CCDC88A: variants seen among roughly 807,000 people sequenced by gnomAD.
CCDC88A encodes the protein girdin.
Under a neutral mutation model 234.3 loss-of-function variants are expected in CCDC88A, and 54 were observed. The ratio of observed to expected loss-of-function variants is 0.23; its 90% CI spans 0.19 to 0.29. The LOEUF is 0.29. CCDC88A is among the 10% of genes least tolerant of loss of function. The pLI, the probability that CCDC88A is intolerant of heterozygous loss-of-function variation, is 1.00. For missense variants in CCDC88A, 1,832 were observed against 2,123.4 expected (o/e 0.86, Z 2.70); for synonymous variants, 753 against 737.8 (o/e 1.02, Z -0.33).
chr2:55,296,364 T>G lies in CCDC88A; in HGVS notation c.4985A>C (p.Glu1662Ala), dbSNP rs774770570. 2 of 1,614,090 alleles carry G rather than the reference T, an allele frequency of 1.2e-6. No homozygotes were observed. Among genetic ancestry groups the G allele is most frequent in the South Asian group, 1.1e-5 (1 of 91,092 alleles). ...SSPVLQHKISETLESRHHKIK... is the reference protein window; with the variant it reads ...SSPVLQHKISATLESRHHKIK... ...CTTGTGATGTCGACTCTCCAGTGTT[T>G]CAGATATTTTGTGCTGGAGCACTGG... Residue 1662 changes from glutamate (E) to alanine (A), a missense_variant, in exon 30 of 33, where the codon GAA becomes GCA. Glu to Ala is a moderately radical substitution (Grantham distance 107). Transcript: ENST00000436346.
At chr2:55,302,887 A>C in intron 26 of CCDC88A, 182 bp downstream of exon 26, 2 of 529,474 alleles carry the variant, frequency 3.8e-6, no homozygotes, top group South Asian at 5.1e-5. Flanking sequence ...ATCAGTGGAC[A>C]TATACATAAT....
Position 55,309,117 on chromosome 2 carries a change from T to C in CCDC88A, c.4172+45A>G, listed in dbSNP as rs1682000305. 7.0e-7 allele frequency: 1 copy of C among 1,422,984 alleles called. No individual in the cohort carries two copies. Among genetic ancestry groups the C allele is most frequent in the African/African-American group, 1.4e-5 (1 of 70,524 alleles). The allele number at this position is 1,422,984 out of a possible 1,614,324, so 88.1% of individuals were successfully genotyped here. ...CATCACAATATTAGAAATAACCTAG[T>C]GTTTTTTTTCAGAATAAGAATTCAT... On this transcript the variant is annotated intron_variant, in intron 24 of 32. Transcript: ENST00000436346. This position sits in a 1 kb window ranked among gnomAD's most constrained non-coding sequence, Gnocchi z 5.1.
intron 2 of CCDC88A, among the ~76,000 whole-genome samples, chr2:55,395,840 T>C (rs1340103492): frequency 1.3e-5 from 2 of 152,042 alleles, no homozygotes; most frequent in African/African-American, 2.4e-5. Context: ...TGCAAGAAAA[T>C]AGTGAAAAAC....
At chr2:55,353,287 A>G (rs1418344949) in intron 8 of CCDC88A, among the ~76,000 whole-genome samples, 2 of 152,194 alleles carry the variant, frequency 1.3e-5, no homozygotes, top group Admixed American at 1.3e-4. Context: ...TGCTTTATCT[A>G]AAGACTGGAG....
At position 55,335,640 on chromosome 2, in the gene CCDC88A, C is replaced by A. The variant is rs747224639; in HGVS notation, c.1657-476G>T. On this transcript the variant is annotated intron_variant, in intron 14 of 32. Coordinates refer to ENST00000436346, the MANE Select transcript of CCDC88A (RefSeq NM_001365480.1). The surrounding 1 kb of genome is among the most constrained non-coding windows in gnomAD (Gnocchi z 4.5). ...GGGTTTGTATGTGTGTGTATTCATT[C>A]CCAAAAAGAATTCTAAGTAGGAAGC... 6.6e-6 allele frequency among the ~76,000 whole-genome samples: 1 copy of A among 151,972 alleles called. No homozygotes were observed. The highest frequency in any genetic ancestry group is 1.5e-5 in the Non-Finnish European group (1 of 67,990).
intron 5 of CCDC88A, among the ~76,000 whole-genome samples, chr2:55,365,697 T>C (rs1442516148): frequency 6.6e-6 from 1 of 152,184 alleles, no homozygotes; most frequent in Non-Finnish European, 1.5e-5. Context: ...AAGCTAAGCA[T>C]TCTCAAAATG....
At chr2:55,375,219 T>C (rs544961555) in intron 3 of CCDC88A, among the ~76,000 whole-genome samples, 2 of 151,938 alleles carry the variant, frequency 1.3e-5, no homozygotes, top group Non-Finnish European at 2.9e-5. Context: ...CACAAACAAA[T>C]AATAATAAAA....
intron 31 of CCDC88A, chr2:55,295,034 A>C (rs1168323888): frequency 8.2e-7 from 1 of 1,225,984 alleles, no homozygotes; most frequent in Non-Finnish European, 1.0e-6. Context: ...ATATCAAATA[A>C]CATCAATATA....
chr2:55,323,587 G>A (rs951680672), intron 17 of CCDC88A: 1 of 152,120 alleles, frequency 6.6e-6, no homozygotes, highest in African/African-American at 2.4e-5. Context: ...CAATAGATGA[G>A]TGGCATCATT....
rs771884941 is a variant in CCDC88A, at chr2:55,317,223, A to G, written c.3729T>C (p.Leu1243=). The change falls in exon 21 of 33, where the codon CTT becomes CTC. Residue 1243 remains leucine, a synonymous_variant. Coordinates refer to ENST00000436346, the MANE Select transcript of CCDC88A (RefSeq NM_001365480.1). The surrounding 1 kb of genome is among the most constrained non-coding windows in gnomAD (Gnocchi z 4.2). The part of the protein sequence containing the change: ...HETVAAEYKK[L]CGENDRLNHT... ...TTTATTACCTATCATTTTCACCACA[A>G]AGTTTCTTGTATTCTGCAGCTACTG... is the stretch of plus-strand genomic sequence containing the variant. The G allele has an allele frequency of 5.3e-6, 8 of 1,499,562 alleles. No homozygotes were observed. Among genetic ancestry groups the G allele is most frequent in the African/African-American group, 1.4e-5 (1 of 71,860 alleles). The allele number at this position is 1,499,562 out of a possible 1,614,324, so 92.9% of individuals were successfully genotyped here.
intron 2 of CCDC88A, among the ~76,000 whole-genome samples, chr2:55,391,465 GA>G (rs1676631227): frequency 6.6e-6 from 1 of 152,082 alleles, no homozygotes; most frequent in Non-Finnish European, 1.5e-5. Flanking sequence ...ACAGTCAACA[GA>G]AACAGACCCA....
chr2:55,414,995 A>G (rs1476113624), intron 2 of CCDC88A, among the ~76,000 whole-genome samples: 1 of 149,170 alleles, frequency 6.7e-6, no homozygotes, highest in African/African-American at 2.5e-5. Flanking sequence ...TGAACCCGGG[A>G]GGTAGAGCTT....
chr2:55,409,225 C>T (rs1040731438), intron 2 of CCDC88A, among the ~76,000 whole-genome samples: 1 of 152,190 alleles, frequency 6.6e-6, no homozygotes, highest in Non-Finnish European at 1.5e-5. Context: ...TTCCTAATTC[C>T]TCCACCGTTA....
At chr2:55,366,566 CACACACACA>C (rs1671996277) in intron 5 of CCDC88A, among the ~76,000 whole-genome samples, 1 of 150,118 alleles carries the variant, frequency 6.7e-6, no homozygotes, top group Non-Finnish European at 1.5e-5. Flanking sequence ...CACACACACA[CACACACACA>C]CAAGATATGA....
chr2:55,352,507 G>GA (rs1273705650), intron 8 of CCDC88A, among the ~76,000 whole-genome samples: 3 of 151,522 alleles, frequency 2.0e-5, no homozygotes, highest in Admixed American at 6.6e-5. Flanking sequence ...TAAACTCTAT[G>GA]AAAAAAACCA....
At chr2:55,324,487 G>C (rs1228741148) in intron 17 of CCDC88A, among the ~76,000 whole-genome samples, 4 of 152,092 alleles carry the variant, frequency 2.6e-5, no homozygotes, top group Non-Finnish European at 5.9e-5. Context: ...GTGTGTTTCT[G>C]AGTATATTTC....
At chr2:55,346,040 A>C in intron 10 of CCDC88A, 135 bp downstream of exon 10, 1 of 599,848 alleles carries the variant, frequency 1.7e-6, no homozygotes, top group Non-Finnish European at 2.9e-6. Flanking sequence ...AATCTATCAT[A>C]AAATAAACAT....
At position 55,341,140 on chromosome 2, in the gene CCDC88A, CTTTTTTTT is replaced by C. The variant is rs562623314; in HGVS notation, c.1334-1500_1334-1493del. ...TTGTTGCAAATGACAGAATTTCTTT[CTTTTTTTT>C]TTTTTTTTTTTTTTTGAGACAGAGT... is the stretch of plus-strand genomic sequence containing the variant. On this transcript the variant is annotated intron_variant, in intron 12 of 32. Coordinates refer to ENST00000436346, the MANE Select transcript of CCDC88A (RefSeq NM_001365480.1). Among the ~76,000 whole-genome samples the C allele has an allele frequency of 6.1e-5, 5 of 81,354 alleles. No homozygotes were observed. In the South Asian group the frequency reaches 1.7e-3, roughly 27 times the overall value. 53.4% of individuals were successfully genotyped at this position (81,354 alleles called of 152,430 possible).
At chr2:55,329,938 T>G (rs1232554144) in intron 16 of CCDC88A, 3 of 152,096 alleles carry the variant, frequency 2.0e-5, no homozygotes, top group Admixed American at 6.5e-5. Context: ...TTTTTGTATT[T>G]GTAGTAGAGA....
Sources: gnomAD v4.1 joint callset for allele counts (sites outside exome capture counted in the v4.1 genomes callset) on GRCh38, gnomAD v4.1.1 for gene constraint, Gnocchi (gnomAD v3.1) non-coding constraint, MANE v1.5 for transcripts, NCBI Gene and HGNC (gene_info 2026-07-23, HGNC 2026-07-21) for gene names.